ADA: variants seen among roughly 807,000 people sequenced by gnomAD.
The protein encoded by ADA is adenosine deaminase.
In ADA, 45 loss-of-function variants were observed where a neutral mutation model predicts 49.0. The observed-to-expected ratio is 0.92, with a 90% CI of 0.72 to 1.18. The LOEUF (loss-of-function observed/expected upper bound fraction) is 1.18, where lower values mean the gene tolerates loss of function less well. Ranked by LOEUF, ADA falls within the 50% of genes most tolerant of loss-of-function variation. The pLI is 0.00. For missense variants in ADA, 445 were observed against 472.5 expected (o/e 0.94, Z 0.54); for synonymous variants, 173 against 184.2 (o/e 0.94, Z 0.49).
chr20:44,626,843 G>A (rs2065387229), intron 3 of ADA, among the ~76,000 whole-genome samples: 1 of 152,102 alleles, frequency 6.6e-6, no homozygotes, highest in Non-Finnish European at 1.5e-5. Context: ...TGGCCTCCCT[G>A]TCTCCATGCT....
At chr20:44,620,863 A>T in intron 10 of ADA, 155 bp downstream of exon 10, 1 of 1,035,654 alleles carries the variant, frequency 9.7e-7, no homozygotes, top group South Asian at 1.3e-5. Context: ...CAACACAAAG[A>T]TGTCTTCTCT....
intron 3 of ADA, among the ~76,000 whole-genome samples, chr20:44,628,351 C>A (rs1406834007): frequency 6.6e-6 from 1 of 152,052 alleles, no homozygotes; most frequent in Non-Finnish European, 1.5e-5. Flanking sequence ...ATAGTAAAAC[C>A]CCATCTCTAC....
chr20:44,644,078 C>T (rs1341072134), intron 1 of ADA, among the ~76,000 whole-genome samples: 1 of 146,438 alleles, frequency 6.8e-6, no homozygotes, highest in Non-Finnish European at 1.5e-5. Context: ...CGAGCAGGGC[C>T]GTCTACCTCC....
intron 3 of ADA, among the ~76,000 whole-genome samples, chr20:44,628,070 G>C (rs1168536870): frequency 6.6e-6 from 1 of 152,226 alleles, no homozygotes; most frequent in Non-Finnish European, 1.5e-5. Context: ...TGCTTAGCTG[G>C]AAGTTCCCAC....
In ADA at chr20:44,636,308, A is replaced by G. The variant is rs757597205; in HGVS notation, c.34-20T>C. 2.0e-6 allele frequency: 3 copies of G among 1,521,086 alleles called. No homozygotes were observed. The Admixed American group carries it at 5.6e-5, about 28-fold the overall frequency. The allele number at this position is 1,521,086 out of a possible 1,614,324, so 94.2% of individuals were successfully genotyped here. A position where few individuals can be genotyped will look rare whatever the true frequency, so the allele number is the denominator to read the frequency against. On this transcript the variant is annotated intron_variant, in intron 1 of 11. Transcript: ENST00000372874. Reference sequence around the variant, plus strand: ...TTCCACCTGCAAGGGGGCAGGGGGAAGAGAGAGAGAAAGGGAGAGAGAGAA... The same window carrying G: ...TTCCACCTGCAAGGGGGCAGGGGGAGGAGAGAGAGAAAGGGAGAGAGAGAA...
At chr20:44,635,274 T>C (rs997092856) in intron 2 of ADA, among the ~76,000 whole-genome samples, 3 of 152,082 alleles carry the variant, frequency 2.0e-5, no homozygotes, top group Non-Finnish European at 4.4e-5. Flanking sequence ...GTGTTCTCAC[T>C]TGGAAGATGC....
intron 11 of ADA, 28 bp from the exon 12 acceptor site, chr20:44,619,875 G>T (rs372110575): frequency 1.2e-5 from 20 of 1,614,026 alleles, no homozygotes; most frequent in Admixed American, 1.7e-5. Flanking sequence ...GAAGCAAAAA[G>T]ATCAGGCAAC....
At chr20:44,623,464 A>G (rs867065137) in intron 6 of ADA, among the ~76,000 whole-genome samples, 3 of 152,194 alleles carry the variant, frequency 2.0e-5, no homozygotes, top group African/African-American at 7.2e-5. Context: ...TGCACCCTCC[A>G]CAGGAGGCCC....
intron 3 of ADA, among the ~76,000 whole-genome samples, chr20:44,628,104 T>TGAAAA (rs1382947472): frequency 3.9e-5 from 6 of 152,234 alleles, no homozygotes; most frequent in Non-Finnish European, 8.8e-5. Context: ...AATGAAGTGG[T>TGAAAA]TACTAGAATG....
At chr20:44,635,232 C>G (rs2145336264) in intron 2 of ADA, among the ~76,000 whole-genome samples, 1 of 152,240 alleles carries the variant, frequency 6.6e-6, no homozygotes, top group South Asian at 2.1e-4. Context: ...CCCTCTGGCC[C>G]CCTAGCATCT....
At chr20:44,633,233 A>G (rs1394907701) in intron 2 of ADA, among the ~76,000 whole-genome samples, 3 of 152,210 alleles carry the variant, frequency 2.0e-5, no homozygotes, top group African/African-American at 4.8e-5. Context: ...TCAGTAAAAC[A>G]TAATATTTTC....
At position 44,635,672 on chromosome 20, in the gene ADA, G is replaced by C. The variant is rs1374855033; in HGVS notation, c.95+555C>G. ...CCAGCACTGTGGGAGGCCAAGCTGG[G>C]TGGATCACTTGAGGTCAGGAGTTCG... On this transcript the variant is annotated intron_variant, in intron 2 of 11. Transcript: ENST00000372874. Among the ~76,000 whole-genome samples, 6 of 152,314 alleles carry C rather than the reference G, an allele frequency of 3.9e-5. No homozygotes were observed. The East Asian group carries it at 1.2e-3, about 29-fold the overall frequency.
intron 1 of ADA, among the ~76,000 whole-genome samples, chr20:44,639,611 C>T (rs2065513323): frequency 6.6e-6 from 1 of 152,070 alleles, no homozygotes; most frequent in Admixed American, 6.5e-5. Context: ...TGGGGTTTCA[C>T]CATATTGGCC....
intron 4 of ADA, 196 bp downstream of exon 4, chr20:44,626,260 A>G (rs1751340935): frequency 1.3e-6 from 1 of 756,786 alleles, no homozygotes; most frequent in Non-Finnish European, 2.2e-6. Flanking sequence ...AGGTAAGAAC[A>G]TAACGGCAAA....
chr20:44,639,505 C>T (rs1420790831), intron 1 of ADA, among the ~76,000 whole-genome samples: 1 of 152,040 alleles, frequency 6.6e-6, no homozygotes, highest in Non-Finnish European at 1.5e-5. Context: ...CTCCACCTCC[C>T]GGGTTCAAGC....
intron 6 of ADA, chr20:44,624,000 C>G (rs1298522273): frequency 1.2e-5 from 8 of 666,902 alleles, no homozygotes; most frequent in Non-Finnish European, 2.1e-5. Flanking sequence ...TCCTGCCTCG[C>G]CTCCCAAAGT....
In ADA at chr20:44,632,729, G is replaced by A. The variant is rs545167544; in HGVS notation, c.95+3498C>T. 2.0e-5 allele frequency among the ~76,000 whole-genome samples: 3 copies of A among 152,280 alleles called. No homozygotes were observed. In the South Asian group the frequency reaches 6.2e-4, roughly 32 times the overall value. ...TTTTTTGAGACGGAGTCTTGCTCTTGTTGCCCAGGCTGGAGTGCAATGGCA... is the reference window on the plus strand; with the variant it reads ...TTTTTTGAGACGGAGTCTTGCTCTTATTGCCCAGGCTGGAGTGCAATGGCA... On this transcript the variant is annotated intron_variant, in intron 2 of 11. Transcript: ENST00000372874.
chr20:44,626,433 C>T (rs1258763932), intron 4 of ADA, 23 bp downstream of exon 4: 1 of 1,613,242 alleles, frequency 6.2e-7, no homozygotes, highest in Admixed American at 1.7e-5. Flanking sequence ...CTCAGCATGG[C>T]CCCTTCCAGG....
At chr20:44,635,856 C>T (rs1166876508) in intron 2 of ADA, among the ~76,000 whole-genome samples, 1 of 152,026 alleles carries the variant, frequency 6.6e-6, no homozygotes, top group African/African-American at 2.4e-5. Context: ...CGAGATCATG[C>T]CACTGCACTC....
Sources: gnomAD v4.1 joint callset for allele counts (sites outside exome capture counted in the v4.1 genomes callset) on GRCh38, gnomAD v4.1.1 for gene constraint, MANE v1.5 for transcripts, NCBI Gene and HGNC (gene_info 2026-07-23, HGNC 2026-07-21) for gene names.